Variants in ALAS1 observed in about 807,000 individuals in gnomAD.
The protein encoded by ALAS1 is 5'-aminolevulinate synthase 1, also known as 5-aminolevulinate synthase, non-specific, mitochondrial.
In ALAS1, 29 loss-of-function variants were observed where a neutral mutation model predicts 59.6. The ratio of observed to expected loss-of-function variants is 0.49; its 90% CI spans 0.36 to 0.66. The LOEUF is 0.66. Ranked by LOEUF, ALAS1 falls within the 30% of genes least tolerant of loss-of-function variation. The pLI, the probability that ALAS1 is intolerant of heterozygous loss-of-function variation, is 0.00. For synonymous variants in ALAS1, 299 were observed against 296.6 expected, an observed-to-expected ratio of 1.01 and a Z score of -0.08; for missense variants, 690 against 807.5, an observed-to-expected ratio of 0.85 and a Z score of 1.76.
rs1339175546 is a variant in ALAS1, at chr3:52,198,838, T to A, written c.-43T>A. On this transcript the variant is annotated 5_prime_UTR_variant, in exon 2 of 12. Coordinates refer to ENST00000484952, the MANE Select transcript of ALAS1 (RefSeq NM_000688.6). ...GCCTGGATGGATGAGTGGCTTCTTC[T>A]CCACCTAGATGTAAGCCAAGATGTC... The A allele has an allele frequency of 1.3e-6, 2 of 1,535,690 alleles. No individual in the cohort carries two copies. Among genetic ancestry groups the A allele is most frequent in the South Asian group, 2.4e-5 (2 of 84,062 alleles).
intron 9 of ALAS1, among the ~76,000 whole-genome samples, chr3:52,210,954 G>A (rs1362922141): frequency 3.9e-5 from 6 of 152,146 alleles, no homozygotes; most frequent in East Asian, 1.9e-4. Context: ...GTGGTATGGC[G>A]TGTTGCTCCT....
intron 9 of ALAS1, among the ~76,000 whole-genome samples, chr3:52,208,667 C>G (rs1386104467): frequency 1.3e-5 from 2 of 152,192 alleles, no homozygotes; most frequent in African/African-American, 4.8e-5. Context: ...TCTAATTCAT[C>G]CTGGTTTTCC....
Position 52,199,331 on chromosome 3 carries a change from C to G in ALAS1, c.90C>G (p.Ala30=). 6.2e-7 allele frequency: 1 copy of G among 1,614,182 alleles called. No individual in the cohort carries two copies. The highest frequency in any genetic ancestry group is 8.5e-7 in the Non-Finnish European group (1 of 1,180,032). The change falls in exon 3 of 12, where the codon GCC becomes GCG. Residue 30 remains alanine (A), a synonymous_variant. Coordinates refer to ENST00000484952, the MANE Select transcript of ALAS1 (RefSeq NM_000688.6). ...QKAGKSLLFY[A]QNCPKMMEVG... is the part of the protein sequence containing the mutation. ...CAGGCAAATCTCTGTTGTTCTATGC[C>G]CAAAACTGCCCCAAGATGATGGAAG... is the stretch of plus-strand genomic sequence containing the variant.
At chr3:52,212,206 A>G in intron 10 of ALAS1, 52 bp from the exon 11 acceptor site, 3 of 1,549,808 alleles carry the variant, frequency 1.9e-6, no homozygotes, top group East Asian at 2.3e-5. Context: ...GATCTCTGCT[A>G]AGAGGTAGTC....
intron 5 of ALAS1, 125 bp downstream of exon 5, chr3:52,204,137 G>A: frequency 9.8e-7 from 1 of 1,018,152 alleles, no homozygotes; most frequent in South Asian, 1.9e-5. Context: ...CCAGCACTTT[G>A]GGAGGCTGAA....
chr3:52,205,853 A>G lies in ALAS1; in HGVS notation c.815A>G (p.Gln272Arg). The change falls in exon 7 of 12, where the codon CAA (glutamine) becomes CGA (arginine). Residue 272 changes from glutamine (Q) to arginine (R), a missense_variant. Gln to Arg is a conservative substitution (Grantham distance 43, BLOSUM62 1). Transcript: ENST00000484952. ...TTTTTAAACAGGGACACTTTGAAACAACATGGTGCTGGGGCAGGTGGTACT... is the reference window on the plus strand; with the variant it reads ...TTTTTAAACAGGGACACTTTGAAACGACATGGTGCTGGGGCAGGTGGTACT... ...VCGAVMDTLK[Q>R]HGAGAGGTRN... 4 of 1,610,366 alleles carry G rather than the reference A, an allele frequency of 2.5e-6. No homozygotes were observed. The South Asian group carries it at 3.3e-5, about 13-fold the overall frequency.
intron 1 of ALAS1, 36 bp from the exon 2 acceptor site, chr3:52,198,636 A>ATACCCCTACCCTCATTTG: frequency 1.5e-6 from 1 of 654,178 alleles, no homozygotes; most frequent in Non-Finnish European, 2.6e-6. Flanking sequence ...GCTGGCCCTC[A>ATACCCCTACCCTCATTTG]TACCCCTACC....
Position 52,199,429 on chromosome 3 carries a change from C to T in ALAS1, c.188C>T (p.Pro63Leu), listed in dbSNP as rs1433038991. ...TACCAACAGATCAAAGAAACCCCTC[C>T]GGCCAGTGAGAGTAAGTGTCATTGA... ...VHYQQIKETP[P>L]ASEKDKTAKA... Residue 63 changes from proline to leucine, a missense_variant, in exon 3 of 12, where the codon CCG (proline) becomes CTG (leucine). Coordinates refer to ENST00000484952, the MANE Select transcript of ALAS1 (RefSeq NM_000688.6). The T allele has an allele frequency of 1.9e-6, 3 of 1,613,842 alleles. No individual in the cohort carries two copies. Among genetic ancestry groups the T allele is most frequent in the Middle Eastern group, 1.7e-4 (1 of 5,978 alleles).
At chr3:52,198,593 A>C in intron 1 of ALAS1, 79 bp from the exon 2 acceptor site, 1 of 589,176 alleles carries the variant, frequency 1.7e-6, no homozygotes, top group African/African-American at 1.9e-5. Context: ...TCGACTTTAT[A>C]AGCCCCTGCG....
Position 52,208,185 on chromosome 3 carries a change from GCGGA to G in ALAS1, c.1269_1272del (p.Gly425LeufsTer35), listed in dbSNP as rs747571645. ...GCAGTGGGGCTTTATGGGGCTCGAG[GCGGA>G]GGGATTGGGGATCGGGATGGAGTCA... On this transcript the variant is annotated frameshift_variant, in exon 9 of 12. Transcript: ENST00000484952. LOFTEE classifies it high-confidence loss of function. 1.2e-6 allele frequency: 2 copies of G among 1,614,044 alleles called. No individual in the cohort carries two copies. Among genetic ancestry groups the G allele is most frequent in the Non-Finnish European group, 1.7e-6 (2 of 1,180,002 alleles).
chr3:52,211,674 T>C, intron 10 of ALAS1, 123 bp downstream of exon 10: 1 of 1,370,564 alleles, frequency 7.3e-7, no homozygotes, highest in South Asian at 1.3e-5. Context: ...GCAGGGGTTG[T>C]AGCCAGCCAC....
At chr3:52,200,037 A>C (rs2107261460) in intron 3 of ALAS1, among the ~76,000 whole-genome samples, 1 of 152,292 alleles carries the variant, frequency 6.6e-6, no homozygotes, top group African/African-American at 2.4e-5. Context: ...GCTGGTCTCA[A>C]ACTCCTGACC....
rs367708093 is a variant in ALAS1, at chr3:52,204,738, A to G, written c.623A>G (p.Asp208Gly). The G allele has an allele frequency of 2.5e-6, 4 of 1,614,046 alleles. No individual in the cohort carries two copies. The highest frequency in any genetic ancestry group is 3.4e-6 in the Non-Finnish European group (4 of 1,180,040). The change falls in exon 6 of 12, where the codon GAT becomes GGT. Residue 208 changes from aspartate to glycine, a missense_variant. Transcript: ENST00000484952. The stretch of plus-strand genomic sequence containing the variant: ...GATCGTTTCTTTGAGAAAAAAATTG[A>G]TGAGAAAAAGAATGACCACACCTAT... ...QYDRFFEKKI[D>G]EKKNDHTYRV...
rs1699396611 is a variant in ALAS1 at position 52,211,150 on chromosome 3, C to T, written c.1331-133C>T. On this transcript the variant is annotated intron_variant, in intron 9 of 11. Coordinates refer to ENST00000484952, the MANE Select transcript of ALAS1 (RefSeq NM_000688.6). Reference sequence around the variant, plus strand: ...ACATCATTAATGTGGTGCATGACTACTCCAATCAGTCCAGGAACAAATTAA... The same window carrying T: ...ACATCATTAATGTGGTGCATGACTATTCCAATCAGTCCAGGAACAAATTAA... 3.0e-5 allele frequency: 29 copies of T among 960,174 alleles called. No individual in the cohort carries two copies. The South Asian group carries it at 4.8e-4, about 16-fold the overall frequency. 59.5% of individuals were successfully genotyped at this position (960,174 alleles called of 1,614,324 possible). A position where few individuals can be genotyped will look rare whatever the true frequency, so the allele number is the denominator to read the frequency against.
In ALAS1 at chr3:52,212,449, C is replaced by T. The variant is rs747947645; in HGVS notation, c.1762+29C>T. On this transcript the variant is annotated intron_variant, in intron 11 of 11. Transcript: ENST00000484952. ...AGTACCTGGGGAGCTGCTGGTGCCT[C>T]ACTGAGGAGTTGCATAAAGCTGTCT... 3.1e-6 allele frequency: 5 copies of T among 1,613,318 alleles called. No individual in the cohort carries two copies. The South Asian group carries it at 3.3e-5, about 11-fold the overall frequency.
intron 9 of ALAS1, among the ~76,000 whole-genome samples, chr3:52,208,636 G>C (rs750996215): frequency 9.9e-5 from 15 of 152,190 alleles, no homozygotes; most frequent in Non-Finnish European, 1.8e-4. Flanking sequence ...GCTGAACTCC[G>C]TGCCTGCCAC....
chr3:52,203,829 T>G, intron 4 of ALAS1, 34 bp from the exon 5 acceptor site: 1 of 1,549,542 alleles, frequency 6.5e-7, no homozygotes, highest in Non-Finnish European at 8.7e-7. Context: ...AATAGAAAGT[T>G]GGTCCCATTT....
chr3:52,204,277 A>T lies in ALAS1; in HGVS notation c.577+265A>T, dbSNP rs72955290. Among the ~76,000 whole-genome samples, 628 of 152,306 alleles carry T rather than the reference A, an allele frequency of 4.1e-3. 4 individuals carry two copies. The highest frequency in any genetic ancestry group is 0.015 in the African/African-American group (606 of 41,566). On this transcript the variant is annotated intron_variant, in intron 5 of 11. Transcript: ENST00000484952. Reference sequence around the variant, plus strand: ...CTTGCATCTATAGTCCCAGCTACTCAGGAGGCTAAGGTAGGAAGATTGCTT... The same window carrying T: ...CTTGCATCTATAGTCCCAGCTACTCTGGAGGCTAAGGTAGGAAGATTGCTT...
chr3:52,211,498 A>T lies in ALAS1; in HGVS notation c.1546A>T (p.Met516Leu), dbSNP rs1699407488. The part of the protein sequence containing the change: ...RNVKLMRQML[M>L]DAGLPVVHCP... ...CGTCAAACTCATGAGACAGATGCTA[A>T]TGGATGCCGGCCTCCCTGTTGTCCA... Residue 516 changes from methionine to leucine, a missense_variant, in exon 10 of 12, where the codon ATG becomes TTG. Transcript: ENST00000484952. 6.2e-7 allele frequency: 1 copy of T among 1,614,242 alleles called. No individual in the cohort carries two copies. Among genetic ancestry groups the T allele is most frequent in the Non-Finnish European group, 8.5e-7 (1 of 1,180,038 alleles).
Sources: gnomAD v4.1 joint callset for allele counts (sites outside exome capture counted in the v4.1 genomes callset) on GRCh38, gnomAD v4.1.1 for gene constraint, MANE v1.5 for transcripts, NCBI Gene and HGNC (gene_info 2026-07-23, HGNC 2026-07-21) for gene names.